SPHKAP: variants seen among roughly 807,000 people sequenced by gnomAD.
SPHKAP encodes A-kinase anchor protein SPHKAP.
Under a neutral mutation model 137.5 loss-of-function variants are expected in SPHKAP, and 67 were observed. The observed-to-expected ratio is 0.49, with a 90% confidence interval of 0.40 to 0.60. The LOEUF (loss-of-function observed/expected upper bound fraction) is 0.60. SPHKAP is among the 20% of genes least tolerant of loss of function. The pLI, the probability that SPHKAP is intolerant of heterozygous loss-of-function variation, is 0.00. For synonymous variants in SPHKAP, 813 were observed against 785.3 expected (o/e 1.04, Z -0.59); for missense variants, 2,097 against 2,069.3 (o/e 1.01, Z -0.26).
At chr2:228,179,907 T>C (rs1307866996) in intron 1 of SPHKAP, among the ~76,000 whole-genome samples, 3 of 152,162 alleles carry the variant, frequency 2.0e-5, no homozygotes, top group Non-Finnish European at 4.4e-5. Flanking sequence ...AAGCAATCAA[T>C]CTGTTATCAA....
intron 11 of SPHKAP, among the ~76,000 whole-genome samples, chr2:227,982,722 A>G (rs1219841300): frequency 6.6e-6 from 1 of 152,156 alleles, no homozygotes; most frequent in African/African-American, 2.4e-5. Context: ...GCAATGAAAA[A>G]GATGTGGGCT....
chr2:228,026,398 C>T (rs1237105418), intron 4 of SPHKAP, among the ~76,000 whole-genome samples: 2 of 152,152 alleles, frequency 1.3e-5, no homozygotes, highest in South Asian at 2.1e-4. Context: ...AATCTGACTA[C>T]ATTTAATCTT....
chr2:228,181,254 G>A lies in SPHKAP; in HGVS notation c.32+313C>T, dbSNP rs1700902509. Among the ~76,000 whole-genome samples the A allele has an allele frequency of 6.6e-6, 1 of 152,144 alleles. No homozygotes were observed. The highest frequency in any genetic ancestry group is 2.4e-5 in the African/African-American group (1 of 41,450). On this transcript the variant is annotated intron_variant, in intron 1 of 11. Coordinates refer to ENST00000392056, the MANE Select transcript of SPHKAP (RefSeq NM_001142644.2). This position sits in a 1 kb window ranked among gnomAD's most constrained non-coding sequence, Gnocchi z 4.3. ...TCCAAGCTGTGTCCGCGGAAAGTCC[G>A]GCTCCTGGCTCCACCTAGGGCAGAG...
In SPHKAP at chr2:228,017,904, C is replaced by T. The variant is rs371646756; in HGVS notation, c.2950G>A (p.Glu984Lys). The change falls in exon 7 of 12, where the codon GAG becomes AAG. Residue 984 changes from glutamate to lysine, a missense_variant. Physicochemically the swap from Glu to Lys is moderately conservative, Grantham distance 56. Transcript: ENST00000392056. ...ACAGCGGTCCCGCTCCCCTGGCTCT[C>T]TTTCTTCCTCTTCAAGGATCGGCAG... Reference protein sequence around the residue: ...VPCRSLKRKKESQGSGTAVRK... With the variant: ...VPCRSLKRKKKSQGSGTAVRK... 1 of 1,614,170 alleles carries T rather than the reference C, an allele frequency of 6.2e-7. No individual in the cohort carries two copies. The highest frequency in any genetic ancestry group is 8.5e-7 in the Non-Finnish European group (1 of 1,180,030).
At chr2:227,985,076 G>A (rs1217785819) in intron 11 of SPHKAP, among the ~76,000 whole-genome samples, 2 of 152,112 alleles carry the variant, frequency 1.3e-5, no homozygotes, top group African/African-American at 2.4e-5. Flanking sequence ...CCTAACACCA[G>A]CTTCTTTCCA....
chr2:228,112,087 C>T (rs1234043484), intron 2 of SPHKAP, among the ~76,000 whole-genome samples: 1 of 152,090 alleles, frequency 6.6e-6, no homozygotes, highest in African/African-American at 2.4e-5. Flanking sequence ...TGCTTTTACA[C>T]CTACTTGAGT....
intron 3 of SPHKAP, among the ~76,000 whole-genome samples, chr2:228,028,595 A>G (rs1014394607): frequency 3.3e-5 from 5 of 152,220 alleles, no homozygotes; most frequent in South Asian, 2.1e-4. Flanking sequence ...CTATGTTTAC[A>G]TATGTTTAGA....
rs1375804033 is a variant in SPHKAP, at chr2:228,021,851, T to C, written c.557A>G (p.Gln186Arg). 2 of 1,614,206 alleles carry C rather than the reference T, an allele frequency of 1.2e-6. No individual in the cohort carries two copies. The highest frequency in any genetic ancestry group is 4.5e-5 in the East Asian group (2 of 44,872). Residue 186 changes from glutamine to arginine, a missense_variant, in exon 6 of 12, where the codon CAG becomes CGG. Gln to Arg is a conservative substitution (Grantham distance 43). Coordinates refer to ENST00000392056, the MANE Select transcript of SPHKAP (RefSeq NM_001142644.2). ...TGTTTCCAGGTGGAGCTGTCGCTCC[T>C]GCACCAGTTCCAGACCAATCAGAAA... Reference protein sequence around the residue: ...NKFLIGLELVQERQLHLETNI... With the variant: ...NKFLIGLELVRERQLHLETNI...
intron 1 of SPHKAP, among the ~76,000 whole-genome samples, chr2:228,174,763 G>C (rs1700689039): frequency 6.6e-6 from 1 of 152,152 alleles, no homozygotes; most frequent in South Asian, 2.1e-4. Context: ...CTATATGGCA[G>C]GGAATTACAA....
intron 3 of SPHKAP, among the ~76,000 whole-genome samples, chr2:228,099,041 T>C (rs918488465): frequency 6.6e-6 from 1 of 152,178 alleles, no homozygotes; most frequent in African/African-American, 2.4e-5. Context: ...TTTAATCAGG[T>C]CCCACTTGTC....
chr2:228,070,228 G>T (rs60037364), intron 3 of SPHKAP, among the ~76,000 whole-genome samples: 2 of 151,950 alleles, frequency 1.3e-5, no homozygotes, highest in East Asian at 3.9e-4. Context: ...TATATATTAC[G>T]TAATGATTCA....
chr2:228,035,551 A>C lies in SPHKAP; in HGVS notation c.247-8008T>G, dbSNP rs546841374. 7.5e-4 allele frequency among the ~76,000 whole-genome samples: 114 copies of C among 152,232 alleles called. 1 individual carries two copies. Among genetic ancestry groups the C allele is most frequent in the Middle Eastern group, 3.4e-3 (1 of 294 alleles). Reference sequence around the variant, plus strand: ...AACTACTTTAAAGTTCATATGGAACAAAAAAAGAGCCTGTATCGCCAAGTC... The same window carrying C: ...AACTACTTTAAAGTTCATATGGAACCAAAAAAGAGCCTGTATCGCCAAGTC... On this transcript the variant is annotated intron_variant, in intron 3 of 11. Coordinates refer to ENST00000392056, the MANE Select transcript of SPHKAP (RefSeq NM_001142644.2).
chr2:228,111,709 T>C (rs980784472), intron 2 of SPHKAP, among the ~76,000 whole-genome samples: 5 of 152,150 alleles, frequency 3.3e-5, no homozygotes, highest in African/African-American at 9.7e-5. Flanking sequence ...ATTATAAAGA[T>C]ACAAATCTTT....
In SPHKAP at chr2:228,017,204, T is replaced by C; in HGVS notation, c.3650A>G (p.Gln1217Arg). 3 of 1,614,000 alleles carry C rather than the reference T, an allele frequency of 1.9e-6. No individual in the cohort carries two copies. Among genetic ancestry groups the C allele is most frequent in the Admixed American group, 1.7e-5 (1 of 60,014 alleles). ...RESASSRRSSQDWTAGLLSPS... is the reference protein window; with the variant it reads ...RESASSRRSSRDWTAGLLSPS... ...AGACAGCAGGCCGGCTGTCCAATCC[T>C]GGCTGCTCCGTCTGGAGGAGGCACT... is the stretch of plus-strand genomic sequence containing the variant. Residue 1217 changes from glutamine to arginine, a missense_variant, in exon 7 of 12, where the codon CAG becomes CGG. By Grantham distance (43) the Gln-to-Arg change is conservative (BLOSUM62 1). Coordinates refer to ENST00000392056, the MANE Select transcript of SPHKAP (RefSeq NM_001142644.2).
At chr2:228,161,786 A>C (rs1418083733) in intron 1 of SPHKAP, among the ~76,000 whole-genome samples, 1 of 152,206 alleles carries the variant, frequency 6.6e-6, no homozygotes, top group Non-Finnish European at 1.5e-5. Context: ...ATCCACTCTT[A>C]CAAATTGCCC....
Position 228,000,424 on chromosome 2 carries a change from G to A in SPHKAP, c.4449-4730C>T, listed in dbSNP as rs188744966. The stretch of plus-strand genomic sequence containing the variant: ...ACGAGGTCAGGAGATGGAGACCATC[G>A]TGGCTAACATGGTGAAACCCCATCT... On this transcript the variant is annotated intron_variant, in intron 7 of 11. Coordinates refer to ENST00000392056, the MANE Select transcript of SPHKAP (RefSeq NM_001142644.2). 2.6e-4 allele frequency among the ~76,000 whole-genome samples: 39 copies of A among 152,144 alleles called. 2 individuals are homozygous for A. The East Asian group carries it at 6.2e-3, about 24-fold the overall frequency.
intron 3 of SPHKAP, among the ~76,000 whole-genome samples, chr2:228,052,987 A>G (rs939020999): frequency 2.0e-5 from 3 of 152,174 alleles, no homozygotes; most frequent in South Asian, 2.1e-4. Flanking sequence ...CATACAAAAT[A>G]TAATATATTA....
chr2:227,998,226 G>A (rs944228788), intron 7 of SPHKAP, among the ~76,000 whole-genome samples: 4 of 151,960 alleles, frequency 2.6e-5, no homozygotes, highest in Admixed American at 1.3e-4. Context: ...GGCTGGTCTC[G>A]AACTCAAGTG....
At chr2:228,138,404 C>T (rs556852018) in intron 1 of SPHKAP, among the ~76,000 whole-genome samples, 2 of 152,168 alleles carry the variant, frequency 1.3e-5, no homozygotes, top group Non-Finnish European at 2.9e-5. Flanking sequence ...GTATCCAGTA[C>T]AAAATTTTTC....
Sources: gnomAD v4.1 joint callset for allele counts (sites outside exome capture counted in the v4.1 genomes callset) on GRCh38, gnomAD v4.1.1 for gene constraint, Gnocchi (gnomAD v3.1) non-coding constraint, MANE v1.5 for transcripts, NCBI Gene and HGNC (gene_info 2026-07-23, HGNC 2026-07-21) for gene names.